Variants in IMPG2 observed in about 807,000 individuals in gnomAD.
IMPG2 encodes the protein interphotoreceptor matrix proteoglycan 2, also known as IPM 200.
In IMPG2, 91 loss-of-function variants were observed where a neutral mutation model predicts 129.2. The ratio of observed to expected loss-of-function variants is 0.70; its 90% CI spans 0.59 to 0.84. The LOEUF (loss-of-function observed/expected upper bound fraction) is 0.84, where lower values mean the gene tolerates loss of function less well. Among genes scored for constraint, IMPG2 ranks in the 40% least tolerant of loss-of-function variants. IMPG2 has a pLI of 0.00. For synonymous variants in IMPG2, 510 were observed against 517.7 expected, an observed-to-expected ratio of 0.99 and a Z score of 0.20; for missense variants, 1,430 against 1,461.7, an observed-to-expected ratio of 0.98 and a Z score of 0.35.
In IMPG2 at chr3:101,305,470, T is replaced by C. The variant is rs543635833; in HGVS notation, c.335-1158A>G. ...ACAACACAAAAAGTGAACCCTAATG[T>C]TAACTATGAACTTCAGTTAAGAATA... On this transcript the variant is annotated intron_variant, in intron 2 of 18. Transcript: ENST00000193391. Among the ~76,000 whole-genome samples, 14 of 152,288 alleles carry C rather than the reference T, an allele frequency of 9.2e-5. No homozygotes were observed. In the South Asian group the frequency reaches 2.7e-3, roughly 29 times the overall value.
chr3:101,295,459 C>T (rs1042636841), intron 3 of IMPG2, among the ~76,000 whole-genome samples: 1 of 152,262 alleles, frequency 6.6e-6, no homozygotes, highest in South Asian at 2.1e-4. Context: ...GCACCAGTAC[C>T]GTGCTGTTTT....
At position 101,273,259 on chromosome 3, in the gene IMPG2, G is replaced by A. The variant is rs74904010; in HGVS notation, c.828+322C>T. Reference sequence around the variant, plus strand: ...TCCCTTAAGAAAAACAATACAGTGTGTGTAGTTTCTTAGAGAAGCTTATTT... The same window carrying A: ...TCCCTTAAGAAAAACAATACAGTGTATGTAGTTTCTTAGAGAAGCTTATTT... On this transcript the variant is annotated intron_variant, in intron 7 of 18. Coordinates refer to ENST00000193391, the MANE Select transcript of IMPG2 (RefSeq NM_016247.4). Among the ~76,000 whole-genome samples the A allele has an allele frequency of 1.1e-3, 167 of 152,322 alleles. 5 individuals carry two copies. The East Asian group carries it at 0.031, about 28-fold the overall frequency.
At chr3:101,303,203 T>G (rs567647434) in intron 3 of IMPG2, among the ~76,000 whole-genome samples, 3 of 152,180 alleles carry the variant, frequency 2.0e-5, no homozygotes, top group African/African-American at 7.2e-5. Context: ...AATGTGGTTA[T>G]TGCTCATATA....
chr3:101,256,221 A>AAAGAAAGAAAGAAAGAAAG (rs879352995), intron 10 of IMPG2, among the ~76,000 whole-genome samples: 1 of 131,482 alleles, frequency 7.6e-6, no homozygotes, highest in African/African-American at 2.9e-5. Context: ...AAGAAAGAAA[A>AAAGAAAGAAAGAAAGAAAG]AAATATCTTA....
At chr3:101,299,517 ATCTT>A (rs1707117510) in intron 3 of IMPG2, among the ~76,000 whole-genome samples, 1 of 152,046 alleles carries the variant, frequency 6.6e-6, no homozygotes, top group African/African-American at 2.4e-5. Flanking sequence ...ATTCTTTCTC[ATCTT>A]TCTAAGTTTG....
intron 2 of IMPG2, among the ~76,000 whole-genome samples, chr3:101,312,767 A>T (rs1210413285): frequency 1.3e-5 from 2 of 152,146 alleles, no homozygotes; most frequent in African/African-American, 2.4e-5. Context: ...GGAATAAAGT[A>T]CTGATACATG....
intron 4 of IMPG2, among the ~76,000 whole-genome samples, chr3:101,279,064 T>C (rs191645315): frequency 4.3e-4 from 65 of 152,326 alleles, no homozygotes; most frequent in Admixed American, 3.4e-3. Context: ...AGTACCTTCA[T>C]TTCATAGATG....
rs956583150 is a variant in IMPG2 at position 101,241,145 on chromosome 3, A to G, written c.3022+1543T>C. Among the ~76,000 whole-genome samples, 45 of 152,228 alleles carry G rather than the reference A, an allele frequency of 3.0e-4. 1 individual carries two copies. The highest frequency in any genetic ancestry group is 6.0e-4 in the Non-Finnish European group (41 of 68,044). On this transcript the variant is annotated intron_variant, in intron 14 of 18. Transcript: ENST00000193391. ...CAGTCCTTGTAAAAAGCTCATCTGGAAAAAATAGCCATTAAGCAACTATGC... is the reference window on the plus strand; with the variant it reads ...CAGTCCTTGTAAAAAGCTCATCTGGGAAAAATAGCCATTAAGCAACTATGC...
intron 3 of IMPG2, among the ~76,000 whole-genome samples, chr3:101,303,444 C>G (rs999736511): frequency 7.2e-5 from 11 of 152,028 alleles, no homozygotes; most frequent in African/African-American, 2.2e-4. Flanking sequence ...TGGTTCCTTG[C>G]AAGGGAAGTT....
chr3:101,259,810 T>A (rs1443221306), intron 9 of IMPG2, among the ~76,000 whole-genome samples: 1 of 152,090 alleles, frequency 6.6e-6, no homozygotes, highest in African/African-American at 2.4e-5. Context: ...CATGGCTAGA[T>A]GATACTGGCT....
At chr3:101,255,772 T>C (rs1223685075) in intron 10 of IMPG2, among the ~76,000 whole-genome samples, 1 of 152,050 alleles carries the variant, frequency 6.6e-6, no homozygotes, top group Non-Finnish European at 1.5e-5. Flanking sequence ...TATCTAGCCC[T>C]AGTATTCCAA....
intron 9 of IMPG2, among the ~76,000 whole-genome samples, chr3:101,263,089 T>C (rs1199187512): frequency 6.6e-6 from 1 of 151,846 alleles, no homozygotes; most frequent in Non-Finnish European, 1.5e-5. Flanking sequence ...TAGACCCCAA[T>C]ACAATAACAG....
At chr3:101,320,019 C>T (rs778870916) in intron 1 of IMPG2, among the ~76,000 whole-genome samples, 187 bp from the exon 2 acceptor site, 10 of 152,066 alleles carry the variant, frequency 6.6e-5, no homozygotes, top group Non-Finnish European at 7.4e-5. Flanking sequence ...ACTCCCACTC[C>T]TTTCATTCAA....
At chr3:101,271,876 C>A (rs1706786250) in intron 7 of IMPG2, among the ~76,000 whole-genome samples, 1 of 152,128 alleles carries the variant, frequency 6.6e-6, no homozygotes, top group Admixed American at 6.5e-5. Flanking sequence ...GCCTCCTGAG[C>A]CTCATCTGTA....
intron 2 of IMPG2, among the ~76,000 whole-genome samples, chr3:101,317,008 AG>A (rs1174469363): frequency 6.6e-6 from 1 of 152,024 alleles, no homozygotes; most frequent in Non-Finnish European, 1.5e-5. Context: ...TATATATAAA[AG>A]TATAGAAAAT....
intron 4 of IMPG2, among the ~76,000 whole-genome samples, chr3:101,284,765 C>T (rs1186254193): frequency 2.0e-5 from 3 of 152,270 alleles, no homozygotes; most frequent in Admixed American, 2.0e-4. Context: ...ACTGTAGTTA[C>T]CATCATCTCC....
chr3:101,257,376 T>C (rs1706622088), intron 10 of IMPG2, among the ~76,000 whole-genome samples, 153 bp downstream of exon 10: 1 of 152,160 alleles, frequency 6.6e-6, no homozygotes, highest in African/African-American at 2.4e-5. Flanking sequence ...CCAAAATAGC[T>C]GCATGGCTAA....
At chr3:101,310,571 A>C (rs1482819474) in intron 2 of IMPG2, among the ~76,000 whole-genome samples, 1 of 15,028 alleles carries the variant, frequency 6.7e-5, no homozygotes, top group South Asian at 4.1e-3. Context: ...AAAAAAAAAA[A>C]AAAAAAAAAA....
In IMPG2 at chr3:101,273,504, C is replaced by G. The variant is rs576106450; in HGVS notation, c.828+77G>C. On this transcript the variant is annotated intron_variant, in intron 7 of 18. Coordinates refer to ENST00000193391, the MANE Select transcript of IMPG2 (RefSeq NM_016247.4). ...CAAACAATTTGAAACCTAAACCTAT[C>G]TTTAAACAGTGTTGTGAATATAGGA... is the stretch of plus-strand genomic sequence containing the variant. 283 of 1,470,142 alleles carry G rather than the reference C, an allele frequency of 1.9e-4. 3 individuals carry two copies. In the African/African-American group the frequency reaches 3.3e-3, roughly 17 times the overall value. 91.1% of individuals were successfully genotyped at this position (1,470,142 alleles called of 1,614,324 possible).
Sources: allele counts gnomAD v4.1 joint callset (sites outside exome capture counted in the v4.1 genomes callset), GRCh38; gene constraint gnomAD v4.1.1; transcripts MANE v1.5; gene names NCBI Gene and HGNC (gene_info 2026-07-23, HGNC 2026-07-21).